Variants in ENTREP2 observed in about 807,000 individuals in gnomAD.
ENTREP2 encodes the protein endosomal transmembrane epsin interactor 2.
At chr15:29,251,541 AT>A in the ENTREP2 span, among the ~76,000 whole-genome samples, 125 of 150,818 alleles carry the variant, frequency 8.3e-4, 1 homozygote, top group East Asian at 0.018. Context: ...TTTGTGACTT[AT>A]TTTTTTTTAG....
At chr15:29,329,431 T>G in the ENTREP2 span, among the ~76,000 whole-genome samples, 4 of 152,156 alleles carry the variant, frequency 2.6e-5, no homozygotes, top group Non-Finnish European at 5.9e-5. Context: ...GGACCATGAT[T>G]GACCGCACCT....
At chr15:29,249,008 T>C in the ENTREP2 span, among the ~76,000 whole-genome samples, 1 of 152,204 alleles carries the variant, frequency 6.6e-6, no homozygotes, top group Non-Finnish European at 1.5e-5. Context: ...TCACTACCAA[T>C]AAAGTTGTAG....
chr15:29,306,659 T>C, the ENTREP2 span, among the ~76,000 whole-genome samples: 11 of 145,134 alleles, frequency 7.6e-5, no homozygotes, highest in South Asian at 2.2e-3. Flanking sequence ...GAAAAATAAT[T>C]GGTAATTTTT....
chr15:29,366,758 C>T, the ENTREP2 span, among the ~76,000 whole-genome samples: 2 of 152,086 alleles, frequency 1.3e-5, no homozygotes, highest in African/African-American at 2.4e-5. Flanking sequence ...TCTTTTTAAC[C>T]CCAGAAATAC....
chr15:29,256,316 C>A, the ENTREP2 span, among the ~76,000 whole-genome samples: 64 of 152,238 alleles, frequency 4.2e-4, no homozygotes, highest in African/African-American at 1.5e-3. Flanking sequence ...TGCACATGTA[C>A]CTCCTGAATC....
At chr15:29,640,571 A>C in the ENTREP2 span, among the ~76,000 whole-genome samples, 1 of 152,098 alleles carries the variant, frequency 6.6e-6, no homozygotes. Flanking sequence ...ATGGAGGTGG[A>C]AAGATTGCTT....
the ENTREP2 span, among the ~76,000 whole-genome samples, chr15:29,127,016 A>G: frequency 1.3e-5 from 2 of 152,128 alleles, no homozygotes; most frequent in Admixed American, 6.5e-5. Flanking sequence ...TGCCCTGGGA[A>G]CAAGCGGGGA....
At chr15:29,310,148 T>C in the ENTREP2 span, among the ~76,000 whole-genome samples, 1 of 152,014 alleles carries the variant, frequency 6.6e-6, no homozygotes. Flanking sequence ...CAGAAATAAG[T>C]GGAGAAAAGG....
At chr15:29,332,254 CAA>C in the ENTREP2 span, among the ~76,000 whole-genome samples, 4 of 149,746 alleles carry the variant, frequency 2.7e-5, no homozygotes, top group African/African-American at 7.4e-5. Flanking sequence ...TAAAATTCAG[CAA>C]AAAAAAAGAT....
the ENTREP2 span, among the ~76,000 whole-genome samples, chr15:29,396,395 A>G: frequency 6.6e-6 from 1 of 151,936 alleles, no homozygotes; most frequent in Non-Finnish European, 1.5e-5. Context: ...AATTTCACTT[A>G]GCATAATGTC....
the ENTREP2 span, among the ~76,000 whole-genome samples, chr15:29,467,453 G>A: frequency 1.3e-5 from 2 of 152,146 alleles, no homozygotes; most frequent in Admixed American, 1.3e-4. Context: ...ATAAAGTACT[G>A]TTCCATTTCC....
the ENTREP2 span, among the ~76,000 whole-genome samples, chr15:29,395,709 T>C: frequency 6.6e-6 from 1 of 151,752 alleles, no homozygotes; most frequent in Non-Finnish European, 1.5e-5. Context: ...CGTATTTTTT[T>C]TTCTCAAGAG....
the ENTREP2 span, among the ~76,000 whole-genome samples, chr15:29,644,255 T>A: frequency 6.6e-6 from 1 of 152,110 alleles, no homozygotes; most frequent in Non-Finnish European, 1.5e-5. Flanking sequence ...AGATAGAAAG[T>A]AGATTACCGG....
At chr15:29,609,242 T>G in the ENTREP2 span, among the ~76,000 whole-genome samples, 7 of 150,428 alleles carry the variant, frequency 4.7e-5, no homozygotes, top group African/African-American at 1.7e-4. Flanking sequence ...GAATCTGGTT[T>G]ATTCTTTATA....
At chr15:29,591,988 G>T in the ENTREP2 span, among the ~76,000 whole-genome samples, 1 of 152,290 alleles carries the variant, frequency 6.6e-6, no homozygotes, top group East Asian at 1.9e-4. Flanking sequence ...ACTAGAAGAG[G>T]AAGGAAGGAT....
At chr15:29,585,855 CA>C in the ENTREP2 span, among the ~76,000 whole-genome samples, 11,388 of 109,856 alleles carry the variant, frequency 0.1, 251 homozygotes, top group East Asian at 0.26. Context: ...GACTCTGTCT[CA>C]AAAAAAAAAA....
At chr15:29,604,019 A>G in the ENTREP2 span, among the ~76,000 whole-genome samples, 2 of 152,198 alleles carry the variant, frequency 1.3e-5, no homozygotes, top group African/African-American at 4.8e-5. Context: ...TCTCACCAAG[A>G]ATTTAGATGA....
chr15:29,278,129 C>T, the ENTREP2 span, among the ~76,000 whole-genome samples: 98 of 151,508 alleles, frequency 6.5e-4, no homozygotes, highest in Non-Finnish European at 1.3e-3. Context: ...CCCCACCCCA[C>T]TGCAGCTCCC....
At chr15:29,620,989 C>T in the ENTREP2 span, among the ~76,000 whole-genome samples, 7 of 152,088 alleles carry the variant, frequency 4.6e-5, no homozygotes, top group South Asian at 2.1e-4. Context: ...TGGGAGGAGC[C>T]GGGTGGACTC....
Sources: gnomAD v4.1 joint callset for allele counts (sites outside exome capture counted in the v4.1 genomes callset) on GRCh38, gnomAD v4.1.1 for gene constraint, MANE v1.5 for transcripts, NCBI Gene and HGNC (gene_info 2026-07-23, HGNC 2026-07-21) for gene names.